ESRP1: variants seen among roughly 807,000 people sequenced by gnomAD.
ESRP1 encodes the protein epithelial splicing regulatory protein 1.
A neutral mutation model predicts 81.7 loss-of-function variants in ESRP1; 33 were observed. The observed-to-expected ratio is 0.40, with a 90% confidence interval of 0.31 to 0.54. The LOEUF (loss-of-function observed/expected upper bound fraction) is 0.54. Among genes scored for constraint, ESRP1 ranks in the 20% least tolerant of loss-of-function variants. The pLI is 0.41. For missense variants in ESRP1, 672 were observed against 833.1 expected (o/e 0.81, Z 2.38); for synonymous variants, 320 against 303.3 (o/e 1.06, Z -0.57).
chr8:94,661,358 G>T (rs1818737385), intron 4 of ESRP1, among the ~76,000 whole-genome samples: 1 of 152,042 alleles, frequency 6.6e-6, no homozygotes, highest in Non-Finnish European at 1.5e-5. Context: ...AAGCATTTTT[G>T]AATTAAGGCA....
intron 12 of ESRP1, among the ~76,000 whole-genome samples, chr8:94,677,719 A>G (rs1019244928): frequency 2.6e-5 from 4 of 152,224 alleles, no homozygotes; most frequent in Non-Finnish European, 5.9e-5. Context: ...TTGACCTAAT[A>G]TGTGGTAGTG....
intron 4 of ESRP1, among the ~76,000 whole-genome samples, chr8:94,647,185 T>C (rs1371469448): frequency 1.3e-5 from 2 of 152,246 alleles, no homozygotes. Context: ...TAACTACTTG[T>C]AAACAGGTCA....
At chr8:94,674,239 TG>T in intron 11 of ESRP1, 68 bp from the exon 12 acceptor site, 1 of 1,528,672 alleles carries the variant, frequency 6.5e-7, no homozygotes, top group Non-Finnish European at 8.9e-7. Context: ...TTGCATGTTT[TG>T]TAAGCAACCA....
chr8:94,641,773 A>T, intron 1 of ESRP1, 183 bp from the exon 2 acceptor site: 2 of 551,166 alleles, frequency 3.6e-6, no homozygotes, highest in Non-Finnish European at 4.9e-6. Flanking sequence ...TTTCCGACCT[A>T]TCGGGTGGGG....
chr8:94,646,362 T>A (rs904090600), intron 4 of ESRP1, 80 bp downstream of exon 4: 1 of 1,006,334 alleles, frequency 9.9e-7, no homozygotes, highest in Non-Finnish European at 1.4e-6. Flanking sequence ...TCAAACATTT[T>A]AAATTTTGTC....
At chr8:94,649,090 G>A (rs561769864) in intron 4 of ESRP1, among the ~76,000 whole-genome samples, 39 of 152,182 alleles carry the variant, frequency 2.6e-4, no homozygotes, top group African/African-American at 7.7e-4. Context: ...GCATGATGAC[G>A]CACATCTGTA....
chr8:94,699,726 A>G (rs1809744077), intron 15 of ESRP1, among the ~76,000 whole-genome samples: 2 of 152,100 alleles, frequency 1.3e-5, no homozygotes, highest in Admixed American at 6.6e-5. Flanking sequence ...AGGAGATAGG[A>G]TTATAAAAGT....
At chr8:94,685,353 T>C (rs1157959403) in intron 13 of ESRP1, among the ~76,000 whole-genome samples, 3 of 152,278 alleles carry the variant, frequency 2.0e-5, no homozygotes, top group Middle Eastern at 3.4e-3. Flanking sequence ...CTGGAAAATA[T>C]AGCATAGGGA....
intron 13 of ESRP1, among the ~76,000 whole-genome samples, chr8:94,690,790 G>A (rs1204816519): frequency 1.3e-5 from 2 of 152,270 alleles, no homozygotes; most frequent in East Asian, 3.9e-4. Context: ...TGTATGCTGT[G>A]AAAATGACCT....
intron 15 of ESRP1, among the ~76,000 whole-genome samples, chr8:94,699,560 A>G (rs1312890145): frequency 6.6e-6 from 1 of 152,146 alleles, no homozygotes; most frequent in Non-Finnish European, 1.5e-5. Flanking sequence ...GGGTCAATTG[A>G]GTCCAGGAGG....
chr8:94,641,525 G>A lies in ESRP1; in HGVS notation c.132+75G>A. ...GTGGTAGAGGTTTGGGCGGGGAGGG[G>A]GGTGGAGGTAAGTAAATAAGTGCTC... On this transcript the variant is annotated intron_variant, in intron 1 of 15. Transcript: ENST00000433389. 2.5e-6 allele frequency: 4 copies of A among 1,593,646 alleles called. No individual in the cohort carries two copies. The South Asian group carries it at 3.3e-5, about 13-fold the overall frequency.
chr8:94,668,673 G>A (rs753126423), intron 10 of ESRP1, among the ~76,000 whole-genome samples: 1 of 152,118 alleles, frequency 6.6e-6, no homozygotes, highest in Non-Finnish European at 1.5e-5. Context: ...TGTAGCATTG[G>A]ATATAGAGTG....
In ESRP1 at chr8:94,661,770, A is replaced by G. The variant is rs1366351485; in HGVS notation, c.491-502A>G. ...TCCTACAGGGCTCCAAAAGTGTTCT[A>G]TAATAGAATTTCTAAGCAAAAGTGG... On this transcript the variant is annotated intron_variant, in intron 4 of 15. Transcript: ENST00000433389. Among the ~76,000 whole-genome samples, 6 of 152,328 alleles carry G rather than the reference A, an allele frequency of 3.9e-5. 1 individual carries two copies. The East Asian group carries it at 1.2e-3, about 29-fold the overall frequency.
At chr8:94,703,932 A>G (rs934380058) in intron 15 of ESRP1, among the ~76,000 whole-genome samples, 7 of 152,188 alleles carry the variant, frequency 4.6e-5, no homozygotes, top group South Asian at 2.1e-4. Flanking sequence ...ATACTGATCA[A>G]TAGTGTTGGG....
chr8:94,647,528 G>T (rs1817910722), intron 4 of ESRP1, among the ~76,000 whole-genome samples: 1 of 152,168 alleles, frequency 6.6e-6, no homozygotes, highest in Non-Finnish European at 1.5e-5. Flanking sequence ...TGGCTTGCAG[G>T]TAGCCAGCCA....
intron 4 of ESRP1, among the ~76,000 whole-genome samples, chr8:94,657,245 C>T (rs1818471664): frequency 6.6e-6 from 1 of 152,166 alleles, no homozygotes; most frequent in Non-Finnish European, 1.5e-5. Flanking sequence ...TTGTGACTGC[C>T]TTGAGGGCAG....
chr8:94,648,442 A>G (rs1041378870), intron 4 of ESRP1, among the ~76,000 whole-genome samples: 1 of 152,226 alleles, frequency 6.6e-6, no homozygotes, highest in Non-Finnish European at 1.5e-5. Context: ...TGTCTAGGCT[A>G]CCAGACCAAT....
chr8:94,641,508 G>T, intron 1 of ESRP1, 58 bp downstream of exon 1: 2 of 1,609,422 alleles, frequency 1.2e-6, no homozygotes, highest in Non-Finnish European at 1.7e-6. Flanking sequence ...TTGTGGTAGA[G>T]GTTTGGGCGG....
At position 94,678,206 on chromosome 8, in the gene ESRP1, T is replaced by G. The variant is rs1563537505; in HGVS notation, c.1655T>G (p.Leu552Arg). 2 of 1,613,920 alleles carry G rather than the reference T, an allele frequency of 1.2e-6. No individual in the cohort carries two copies. The highest frequency in any genetic ancestry group is 1.7e-6 in the Non-Finnish European group (2 of 1,179,848). ...LSPPPCKLPCLSPPSYTFPAP... is the reference protein window; with the variant it reads ...LSPPPCKLPCRSPPSYTFPAP... ...GAATCTCTCTTTGCATATCTAGGCC[T>G]GTCTCCTCCCTCCTACACATTTCCA... The change falls in exon 13 of 16, where the codon CTG (leucine) becomes CGG (arginine). Residue 552 changes from leucine to arginine, a missense_variant. Physicochemically the swap from Leu to Arg is moderately radical, Grantham distance 102. Coordinates refer to ENST00000433389, the MANE Select transcript of ESRP1 (RefSeq NM_017697.4).
Sources: allele counts gnomAD v4.1 joint callset (sites outside exome capture counted in the v4.1 genomes callset), GRCh38; gene constraint gnomAD v4.1.1; transcripts MANE v1.5; gene names NCBI Gene and HGNC (gene_info 2026-07-23, HGNC 2026-07-21).